Variants in UGT1A5 observed in about 807,000 individuals in gnomAD.
UGT1A5 encodes the protein UDP-glucuronosyltransferase 1A5.
A neutral mutation model predicts 40.3 loss-of-function variants in UGT1A5; 29 were observed. That is an observed-to-expected ratio of 0.72 (90% CI 0.54 to 0.98). The LOEUF (loss-of-function observed/expected upper bound fraction) is 0.98. Ranked by LOEUF, UGT1A5 falls within the 50% of genes least tolerant of loss-of-function variation. UGT1A5 has a pLI of 0.00. For synonymous variants in UGT1A5, 257 were observed against 262.5 expected, an observed-to-expected ratio of 0.98 and a Z score of 0.20; for missense variants, 678 against 677.9, an observed-to-expected ratio of 1.00 and a Z score of 0.00.
At chr2:233,721,199 C>A (rs1012504962) in intron 1 of UGT1A5, among the ~76,000 whole-genome samples, 1 of 152,106 alleles carries the variant, frequency 6.6e-6, no homozygotes, top group Non-Finnish European at 1.5e-5. Flanking sequence ...ATTTGTTCTA[C>A]TGGTTTTCTT....
chr2:233,756,134 A>G (rs1696129657), intron 1 of UGT1A5: 1 of 152,248 alleles, frequency 6.6e-6, no homozygotes, highest in African/African-American at 2.4e-5. Flanking sequence ...TTCTCCTGAA[A>G]AATTACTGGG....
chr2:233,725,063 T>G (rs2077358237), intron 1 of UGT1A5, among the ~76,000 whole-genome samples: 1 of 146,678 alleles, frequency 6.8e-6, no homozygotes, highest in Non-Finnish European at 1.5e-5. Flanking sequence ...GGCGCGCGCC[T>G]GCAATCGCAG....
intron 1 of UGT1A5, chr2:233,743,868 C>T (rs1183331531): frequency 8.0e-6 from 11 of 1,367,072 alleles, no homozygotes; most frequent in East Asian, 4.5e-5. Context: ...TTGATGGCCT[C>T]GGATGAGGCC....
chr2:233,747,416 C>T, intron 1 of UGT1A5: 4 of 1,607,550 alleles, frequency 2.5e-6, no homozygotes, highest in Non-Finnish European at 3.4e-6. Context: ...TGAATATGCA[C>T]ATCAAACAAG....
chr2:233,772,315 A>T lies in UGT1A5; in HGVS notation c.1361A>T (p.Glu454Val). The change falls in exon 5 of 5, where the codon GAG becomes GTG. Residue 454 changes from glutamate to valine, a missense_variant. Physicochemically the swap from Glu to Val is moderately radical, Grantham distance 121. Transcript: ENST00000373414. ...AGCCTTCACAAGGACCGCCCGGTGG[A>T]GCCGCTGGACCTGGCCGTGTTCTGG... ...LSSLHKDRPV[E>V]PLDLAVFWVE... is the part of the protein sequence containing the mutation. 1 of 1,614,114 alleles carries T rather than the reference A, an allele frequency of 6.2e-7. No individual in the cohort carries two copies. The highest frequency in any genetic ancestry group is 8.5e-7 in the Non-Finnish European group (1 of 1,180,032).
intron 4 of UGT1A5, chr2:233,770,370 C>T (rs1700066139): frequency 6.6e-6 from 1 of 152,126 alleles, no homozygotes; most frequent in African/African-American, 2.4e-5. Flanking sequence ...AATGAAAGTT[C>T]TGGCCAGGTA....
At chr2:233,753,985 C>G (rs1431608078) in intron 1 of UGT1A5, among the ~76,000 whole-genome samples, 1 of 152,164 alleles carries the variant, frequency 6.6e-6, no homozygotes, top group Non-Finnish European at 1.5e-5. Context: ...TGTTTTAAGC[C>G]ACCAAGTTTG....
intron 1 of UGT1A5, among the ~76,000 whole-genome samples, chr2:233,721,183 C>T (rs1370349767): frequency 6.6e-6 from 1 of 152,264 alleles, no homozygotes; most frequent in South Asian, 2.1e-4. Context: ...GATCAAACCA[C>T]AAGATATTTG....
Position 233,755,239 on chromosome 2 carries a change from G to A in UGT1A5, c.868-11795G>A, listed in dbSNP as rs1377553031. On this transcript the variant is annotated intron_variant, in intron 1 of 4. Transcript: ENST00000373414. Reference sequence around the variant, plus strand: ...ATACCCTCGGACGAGGCCTACCGGGGTACTCCCAGCACCTCGTAGTAGTCC... The same window carrying A: ...ATACCCTCGGACGAGGCCTACCGGGATACTCCCAGCACCTCGTAGTAGTCC... 1.2e-5 allele frequency: 11 copies of A among 885,954 alleles called. No individual in the cohort carries two copies. In the South Asian group the frequency reaches 1.4e-4, roughly 11 times the overall value. The allele number at this position is 885,954 out of a possible 1,614,324, so 54.9% of individuals were successfully genotyped here.
chr2:233,745,020 A>G (rs1324116484), intron 1 of UGT1A5, among the ~76,000 whole-genome samples: 3 of 151,866 alleles, frequency 2.0e-5, no homozygotes, highest in Admixed American at 2.0e-4. Flanking sequence ...TGTAAATGCT[A>G]TGTAAATAGT....
chr2:233,734,229 A>T (rs907561316), intron 1 of UGT1A5, among the ~76,000 whole-genome samples: 6 of 152,114 alleles, frequency 3.9e-5, no homozygotes, highest in African/African-American at 1.2e-4. Context: ...TCAGAGATTC[A>T]ACTTCTTCCT....
chr2:233,743,816 T>G (rs1350624065), intron 1 of UGT1A5: 1 of 1,367,308 alleles, frequency 7.3e-7, no homozygotes, highest in South Asian at 1.1e-5. Flanking sequence ...CTCAGGGTTT[T>G]TGTCGGGGTG....
At chr2:233,757,332 C>A (rs1696493928) in intron 1 of UGT1A5, among the ~76,000 whole-genome samples, 1 of 150,622 alleles carries the variant, frequency 6.6e-6, no homozygotes, top group Non-Finnish European at 1.5e-5. Flanking sequence ...TGAAATGGGA[C>A]CATGACAGCT....
chr2:233,713,794 C>A lies in UGT1A5; in HGVS notation c.803C>A (p.Pro268Gln). The A allele has an allele frequency of 6.2e-7, 1 of 1,614,030 alleles. No individual in the cohort carries two copies. The highest frequency in any genetic ancestry group is 1.1e-5 in the South Asian group (1 of 91,070). ...RGDFVMDYPR[P>Q]IMPNMVFIGG... The stretch of plus-strand genomic sequence containing the variant: ...GACTTTGTGATGGATTACCCCAGGC[C>A]GATCATGCCCAACATGGTCTTCATT... Residue 268 changes from proline (P) to glutamine (Q), a missense_variant, in exon 1 of 5, where the codon CCG becomes CAG. Physicochemically the swap from Pro to Gln is moderately conservative, Grantham distance 76. Coordinates refer to ENST00000373414, the MANE Select transcript of UGT1A5 (RefSeq NM_019078.2).
chr2:233,727,384 C>A (rs1032238584), intron 1 of UGT1A5, among the ~76,000 whole-genome samples: 2 of 152,144 alleles, frequency 1.3e-5, no homozygotes, highest in African/African-American at 4.8e-5. Context: ...TGGAGTACCA[C>A]CGTCTTCCAA....
At chr2:233,749,405 TG>T (rs1425183484) in intron 1 of UGT1A5, among the ~76,000 whole-genome samples, 1 of 151,948 alleles carries the variant, frequency 6.6e-6, no homozygotes, top group African/African-American at 2.4e-5. Flanking sequence ...TATTCTCTAG[TG>T]TTAACTACAT....
At chr2:233,717,613 A>C (rs998519106) in intron 1 of UGT1A5, among the ~76,000 whole-genome samples, 1 of 152,256 alleles carries the variant, frequency 6.6e-6, no homozygotes, top group African/African-American at 2.4e-5. Flanking sequence ...GGCACAGCCC[A>C]GAGAGCCTGC....
In UGT1A5 at chr2:233,737,609, G is replaced by A. The variant is rs563155161; in HGVS notation, c.867+23751G>A. Among the ~76,000 whole-genome samples, 4 of 152,288 alleles carry A rather than the reference G, an allele frequency of 2.6e-5. No individual in the cohort carries two copies. In the East Asian group the frequency reaches 7.7e-4, roughly 29 times the overall value. On this transcript the variant is annotated intron_variant, in intron 1 of 4. Transcript: ENST00000373414. Reference sequence around the variant, plus strand: ...ATGAGATGAACCAGGTACCTCAGTTGGAAATGCAGAAATCATCCATCTTCT... The same window carrying A: ...ATGAGATGAACCAGGTACCTCAGTTAGAAATGCAGAAATCATCCATCTTCT...
intron 1 of UGT1A5, among the ~76,000 whole-genome samples, chr2:233,754,115 A>G (rs1254927549): frequency 6.6e-6 from 1 of 152,216 alleles, no homozygotes; most frequent in Non-Finnish European, 1.5e-5. Context: ...CTACATCACG[A>G]GCATTTATGT....
Sources: gnomAD v4.1 joint callset for allele counts (sites outside exome capture counted in the v4.1 genomes callset) on GRCh38, gnomAD v4.1.1 for gene constraint, MANE v1.5 for transcripts, NCBI Gene and HGNC (gene_info 2026-07-23, HGNC 2026-07-21) for gene names.